Variants in SYK observed in about 807,000 individuals in gnomAD.
The protein encoded by SYK is spleen associated tyrosine kinase, also known as tyrosine-protein kinase SYK.
A neutral mutation model predicts 77.8 loss-of-function variants in SYK; 16 were observed. The observed-to-expected ratio is 0.21, with a 90% CI of 0.14 to 0.31. SYK has a LOEUF of 0.31. Ranked by LOEUF, SYK falls within the 10% of genes least tolerant of loss-of-function variation. SYK has a pLI of 1.00. For synonymous variants in SYK, 312 were observed against 308.7 expected, an observed-to-expected ratio of 1.01 and a Z score of -0.11; for missense variants, 529 against 814.4, an observed-to-expected ratio of 0.65 and a Z score of 4.26.
chr9:90,866,501 G>T (rs1027595185), intron 6 of SYK, among the ~76,000 whole-genome samples: 4 of 152,136 alleles, frequency 2.6e-5, no homozygotes, highest in African/African-American at 9.7e-5. Context: ...GGGCTCACAG[G>T]CCTGGCAACT....
chr9:90,815,191 C>T (rs941157768), intron 1 of SYK, among the ~76,000 whole-genome samples: 1 of 152,182 alleles, frequency 6.6e-6, no homozygotes, highest in Non-Finnish European at 1.5e-5. Context: ...GTGTTTCTCA[C>T]GAAGGCAAAA....
intron 7 of SYK, 117 bp from the exon 8 acceptor site, chr9:90,874,087 T>G: frequency 1.2e-6 from 1 of 851,544 alleles, no homozygotes; most frequent in African/African-American, 1.7e-5. Flanking sequence ...AATTCTTTCC[T>G]TTGTCTTTCC....
chr9:90,802,784 C>A (rs1826778272), intron 1 of SYK, among the ~76,000 whole-genome samples: 1 of 98,870 alleles, frequency 1.0e-5, no homozygotes, highest in African/African-American at 4.2e-5. Flanking sequence ...CAGTCGAACT[C>A]AAGTAGAGTT....
At chr9:90,847,717 G>A (rs1449893089) in intron 3 of SYK, among the ~76,000 whole-genome samples, 1 of 152,252 alleles carries the variant, frequency 6.6e-6, no homozygotes, top group African/African-American at 2.4e-5. Context: ...TAGAACCTTA[G>A]ACTAAGGGAA....
chr9:90,846,008 C>A (rs980550810), intron 3 of SYK, among the ~76,000 whole-genome samples: 3 of 152,152 alleles, frequency 2.0e-5, no homozygotes, highest in African/African-American at 7.2e-5. Flanking sequence ...AACAAGATGC[C>A]AACAGGAAAG....
At chr9:90,806,947 T>G (rs903727598) in intron 1 of SYK, among the ~76,000 whole-genome samples, 3 of 151,744 alleles carry the variant, frequency 2.0e-5, no homozygotes, top group African/African-American at 7.3e-5. Flanking sequence ...ATTGCTGGCC[T>G]TCTCCTCGAT....
chr9:90,878,733 T>G (rs1216499043), intron 10 of SYK, 31 bp from the exon 11 acceptor site: 1 of 1,581,050 alleles, frequency 6.3e-7, no homozygotes, highest in African/African-American at 1.3e-5. Context: ...TCACTGTCTG[T>G]TATAGCTGAT....
At chr9:90,838,953 G>T (rs530667944) in intron 1 of SYK, among the ~76,000 whole-genome samples, 1 of 152,204 alleles carries the variant, frequency 6.6e-6, no homozygotes, top group East Asian at 1.9e-4. Flanking sequence ...TGGTGGGGGT[G>T]GCAGAGATGC....
intron 1 of SYK, among the ~76,000 whole-genome samples, chr9:90,828,235 G>GCCCCCCCCCCCCC (rs60327886): frequency 5.4e-5 from 3 of 55,420 alleles, no homozygotes; most frequent in Admixed American, 1.7e-4. Flanking sequence ...CCTCACCCCC[G>GCCCCCCCCCCCCC]CCCCCCCCCC....
At chr9:90,880,749 G>C (rs1828118955) in intron 11 of SYK, among the ~76,000 whole-genome samples, 1 of 152,260 alleles carries the variant, frequency 6.6e-6, no homozygotes. Flanking sequence ...CAGGTAGGCA[G>C]GGTTCAGTGC....
At chr9:90,880,149 A>G (rs1828094336) in intron 11 of SYK, among the ~76,000 whole-genome samples, 1 of 152,220 alleles carries the variant, frequency 6.6e-6, no homozygotes, top group Non-Finnish European at 1.5e-5. Context: ...CATGCCCTGC[A>G]GTGGTCAGAG....
Position 90,843,848 on chromosome 9 carries a change from T to C in SYK, c.-41-10T>C, listed in dbSNP as rs1826465519. On this transcript the variant is annotated splice_polypyrimidine_tract_variant and intron_variant, in intron 1 of 13. Coordinates refer to ENST00000375754, the MANE Select transcript of SYK (RefSeq NM_003177.7). ...TCCTCACCAAAGTTCTCTGTCTCTG[T>C]CTTGCCCAGGTGGACACCTGCGCAG... 2 of 1,431,686 alleles carry C rather than the reference T, an allele frequency of 1.4e-6. No individual in the cohort carries two copies. The highest frequency in any genetic ancestry group is 1.8e-6 in the Non-Finnish European group (2 of 1,093,480). The allele number at this position is 1,431,686 out of a possible 1,614,324, so 88.7% of individuals were successfully genotyped here.
At chr9:90,857,749 T>A (rs1237256866) in intron 3 of SYK, among the ~76,000 whole-genome samples, 1 of 152,198 alleles carries the variant, frequency 6.6e-6, no homozygotes, top group East Asian at 1.9e-4. Flanking sequence ...GAGAAACCAC[T>A]GTTGGGAGAT....
At chr9:90,832,745 G>A (rs1470328958) in intron 1 of SYK, among the ~76,000 whole-genome samples, 6 of 152,166 alleles carry the variant, frequency 3.9e-5, no homozygotes, top group Non-Finnish European at 8.8e-5. Context: ...CAACTCCATT[G>A]CACATGCTAT....
rs1318183012 is a variant in SYK at position 90,884,658 on chromosome 9, T to C, written c.1582-3091T>C. Among the ~76,000 whole-genome samples the C allele has an allele frequency of 5.3e-5, 3 of 56,426 alleles. 1 individual carries two copies. The highest frequency in any genetic ancestry group is 2.5e-4 in the African/African-American group (3 of 12,174). The allele number at this position is 56,426 out of a possible 152,430, so 37.0% of individuals were successfully genotyped here. A position where few individuals can be genotyped will look rare whatever the true frequency, so the allele number is the denominator to read the frequency against. ...ATGTACATATATACACATATACACA[T>C]ATGTGTACATGTACATATATACACA... On this transcript the variant is annotated intron_variant, in intron 11 of 13. Coordinates refer to ENST00000375754, the MANE Select transcript of SYK (RefSeq NM_003177.7).
intron 1 of SYK, among the ~76,000 whole-genome samples, chr9:90,825,354 A>T (rs1265780108): frequency 6.6e-6 from 1 of 152,338 alleles, no homozygotes; most frequent in African/African-American, 2.4e-5. Context: ...GCTGTTTTGT[A>T]GCTAATGATG....
intron 11 of SYK, among the ~76,000 whole-genome samples, chr9:90,884,150 T>TGTATATATATATATACACATAC (rs148870003): frequency 0.037 from 2,645 of 70,552 alleles, 403 homozygotes; most frequent in African/African-American, 0.13. Flanking sequence ...TATATGTGTG[T>TGTATATATATATATACACATAC]GTGTATATAT....
rs149525297 is a variant in SYK, at chr9:90,860,832, G to A, written c.579-1374G>A. Among the ~76,000 whole-genome samples the A allele has an allele frequency of 2.8e-4, 42 of 152,266 alleles. 2 individuals are homozygous for A. Among genetic ancestry groups the A allele is most frequent in the African/African-American group, 9.6e-4 (40 of 41,552 alleles). The stretch of plus-strand genomic sequence containing the variant: ...TCTGAAGGCCATCTCAACTCTCCCT[G>A]TGGTCGTGTATCTGACTTCTTGCAA... On this transcript the variant is annotated intron_variant, in intron 3 of 13. Coordinates refer to ENST00000375754, the MANE Select transcript of SYK (RefSeq NM_003177.7).
In SYK at chr9:90,878,739, C is replaced by G. The variant is rs77886969; in HGVS notation, c.1392-25C>G. On this transcript the variant is annotated intron_variant, in intron 10 of 13. Transcript: ENST00000375754. ...TGAAATGGGTCACTGTCTGTTATAG[C>G]TGATGAGATCATTATGACTTTCAGA... 1,054 of 1,588,272 alleles carry G rather than the reference C, an allele frequency of 6.6e-4. 6 individuals are homozygous for G. The African/African-American group carries it at 0.011, about 17-fold the overall frequency.
Sources: gnomAD v4.1 joint callset for allele counts (sites outside exome capture counted in the v4.1 genomes callset) on GRCh38, gnomAD v4.1.1 for gene constraint, MANE v1.5 for transcripts, NCBI Gene and HGNC (gene_info 2026-07-23, HGNC 2026-07-21) for gene names.